The following STK3 variants were observed in gnomAD, a reference collection of about 807,000 sequenced individuals.
STK3 encodes the protein serine/threonine kinase 3, also known as serine/threonine-protein kinase 3.
STK3 carries 41 observed loss-of-function variants against 58.0 expected under a neutral mutation model. The ratio of observed to expected loss-of-function variants is 0.71; its 90% CI spans 0.55 to 0.92. The LOEUF is 0.92. Among genes scored for constraint, STK3 ranks in the 40% least tolerant of loss-of-function variants. The probability of loss-of-function intolerance (pLI) is 0.00; values close to 1 mark genes in which losing one functional copy is unlikely to be tolerated. For missense variants in STK3, 479 were observed against 602.7 expected, an observed-to-expected ratio of 0.79 and a Z score of 2.15; for synonymous variants, 170 against 191.0, an observed-to-expected ratio of 0.89 and a Z score of 0.91.
chr8:98,725,324 G>A (rs959285095), intron 4 of STK3, among the ~76,000 whole-genome samples: 1 of 152,100 alleles, frequency 6.6e-6, no homozygotes, highest in Admixed American at 6.5e-5. Context: ...ACAACCTCAA[G>A]GAAGTAAAAT....
chr8:98,534,528 A>T (rs984914415), intron 9 of STK3, among the ~76,000 whole-genome samples: 1 of 152,222 alleles, frequency 6.6e-6, no homozygotes, highest in Non-Finnish European at 1.5e-5. Context: ...ACGATCAATA[A>T]ATATGCTAAA....
intron 6 of STK3, among the ~76,000 whole-genome samples, chr8:98,676,738 T>C (rs1466621861): frequency 2.0e-5 from 3 of 152,220 alleles, no homozygotes; most frequent in Non-Finnish European, 4.4e-5. Context: ...TAAATGTGTA[T>C]ATAACATCTC....
chr8:98,850,802 T>C (rs565082834), intron 3 of STK3, among the ~76,000 whole-genome samples: 36 of 152,204 alleles, frequency 2.4e-4, no homozygotes, highest in African/African-American at 8.2e-4. Flanking sequence ...GAGTTTAACC[T>C]GGGGCAGTGG....
At chr8:98,698,797 T>A (rs1469257587) in intron 6 of STK3, among the ~76,000 whole-genome samples, 2 of 152,136 alleles carry the variant, frequency 1.3e-5, no homozygotes, top group Non-Finnish European at 2.9e-5. Context: ...GCCCTTAACA[T>A]TTTTTCCTTC....
At chr8:98,830,193 AC>A (rs1420262416), upstream of STK3, among the ~76,000 whole-genome samples, 3 of 152,088 alleles carry the variant, frequency 2.0e-5, no homozygotes, top group African/African-American at 7.2e-5. Flanking sequence ...GCGCCACTGC[AC>A]CCCAGCCTGG....
At chr8:98,716,974 A>C (rs1467471692) in intron 4 of STK3, among the ~76,000 whole-genome samples, 1 of 152,208 alleles carries the variant, frequency 6.6e-6, no homozygotes, top group Non-Finnish European at 1.5e-5. Context: ...CCGTGTGCTA[A>C]AGAATAAGTA....
intron 5 of STK3, 84 bp downstream of exon 5, chr8:98,707,063 C>G: frequency 1.4e-6 from 2 of 1,385,324 alleles, no homozygotes; most frequent in South Asian, 3.0e-5. Flanking sequence ...TTTCCATTCC[C>G]CCTCAAAAAG....
At chr8:98,392,364 A>T (rs572695576), upstream of STK3, among the ~76,000 whole-genome samples, 1 of 152,280 alleles carries the variant, frequency 6.6e-6, no homozygotes, top group Admixed American at 6.5e-5. Flanking sequence ...ACAATACCCC[A>T]TATTAGTGAG....
Position 98,455,588 on chromosome 8 carries a change from T to C in STK3, c.*254A>G, listed in dbSNP as rs1325051125. 4.1e-6 allele frequency: 2 copies of C among 483,844 alleles called. No homozygotes were observed. The highest frequency in any genetic ancestry group is 7.4e-6 in the Non-Finnish European group (2 of 271,644). 30.0% of individuals were successfully genotyped at this position (483,844 alleles called of 1,614,324 possible). A position where few individuals can be genotyped will look rare whatever the true frequency, so the allele number is the denominator to read the frequency against. On this transcript the variant is annotated 3_prime_UTR_variant, in exon 11 of 11. Coordinates refer to ENST00000419617, the MANE Select transcript of STK3 (RefSeq NM_006281.4). Reference sequence around the variant, plus strand: ...ACCTTGAAAATCCATTTCATAACAGTTTTATTACTGGTATGCAGCTGACAG... The same window carrying C: ...ACCTTGAAAATCCATTTCATAACAGCTTTATTACTGGTATGCAGCTGACAG...
chr8:98,702,979 A>C (rs1221038952), intron 6 of STK3, among the ~76,000 whole-genome samples: 2 of 152,144 alleles, frequency 1.3e-5, no homozygotes, highest in Non-Finnish European at 2.9e-5. Flanking sequence ...CATGTCAATC[A>C]CATCTTTGTC....
chr8:98,663,894 C>T (rs1822149355), intron 6 of STK3, among the ~76,000 whole-genome samples: 1 of 152,130 alleles, frequency 6.6e-6, no homozygotes, highest in Non-Finnish European at 1.5e-5. Flanking sequence ...TTACAACAAA[C>T]TTTTCCTTAT....
At chr8:98,715,880 C>T (rs963005588) in intron 4 of STK3, among the ~76,000 whole-genome samples, 3 of 152,172 alleles carry the variant, frequency 2.0e-5, no homozygotes, top group Non-Finnish European at 4.4e-5. Flanking sequence ...TTGGAACCAA[C>T]CCAAATGTCC....
upstream of STK3, among the ~76,000 whole-genome samples, chr8:98,390,006 C>T (rs551271776): frequency 3.9e-5 from 6 of 151,958 alleles, no homozygotes; most frequent in Non-Finnish European, 7.4e-5. Context: ...TTTAGAACTG[C>T]GGTTAACATG....
chr8:98,736,211 A>G (rs910923068), intron 4 of STK3, among the ~76,000 whole-genome samples: 3 of 152,210 alleles, frequency 2.0e-5, no homozygotes, highest in African/African-American at 7.2e-5. Context: ...CTAAATAGAC[A>G]ACAAACTACC....
chr8:98,760,012 C>T (rs1278211461), intron 3 of STK3, among the ~76,000 whole-genome samples: 1 of 151,628 alleles, frequency 6.6e-6, no homozygotes, highest in Non-Finnish European at 1.5e-5. Flanking sequence ...TGTTATACTG[C>T]ATTGGTTTTT....
intron 6 of STK3, among the ~76,000 whole-genome samples, chr8:98,622,025 A>C (rs1471295820): frequency 6.8e-6 from 1 of 147,782 alleles, no homozygotes; most frequent in Non-Finnish European, 1.5e-5. Flanking sequence ...GTACTTTGGG[A>C]GGCTGAGGCA....
chr8:98,660,786 A>G (rs757340639), intron 6 of STK3, among the ~76,000 whole-genome samples: 4 of 152,050 alleles, frequency 2.6e-5, no homozygotes, highest in Non-Finnish European at 5.9e-5. Context: ...GTCAGTCAAG[A>G]TATCACATTA....
the STK3 span, among the ~76,000 whole-genome samples, chr8:98,363,548 T>A: frequency 4.6e-5 from 7 of 152,060 alleles, no homozygotes; most frequent in East Asian, 1.4e-3. Flanking sequence ...AATTAAACAA[T>A]CACTAAGTAC....
chr8:98,715,932 C>G (rs1254900832), intron 4 of STK3, among the ~76,000 whole-genome samples: 1 of 152,214 alleles, frequency 6.6e-6, no homozygotes, highest in East Asian at 1.9e-4. Context: ...CGCATATACA[C>G]CATGGAATAC....
Sources: gnomAD v4.1 joint callset for allele counts (sites outside exome capture counted in the v4.1 genomes callset) on GRCh38, gnomAD v4.1.1 for gene constraint, MANE v1.5 for transcripts, NCBI Gene and HGNC (gene_info 2026-07-23, HGNC 2026-07-21) for gene names.